The following PGM2L1 variants were observed in gnomAD, a reference collection of about 807,000 sequenced individuals.
The protein encoded by PGM2L1 is glucose 1,6-bisphosphate synthase.
In PGM2L1, 35 loss-of-function variants were observed where a neutral mutation model predicts 73.4. The observed-to-expected ratio is 0.48, with a 90% CI of 0.36 to 0.63. The LOEUF is 0.63. Among genes scored for constraint, PGM2L1 ranks in the 30% least tolerant of loss-of-function variants. The pLI is 0.00. For missense variants in PGM2L1, 570 were observed against 742.0 expected (o/e 0.77, Z 2.69); for synonymous variants, 225 against 253.8 (o/e 0.89, Z 1.08).
chr11:74,345,186 A>G (rs1257370565), intron 9 of PGM2L1, among the ~76,000 whole-genome samples: 1 of 152,158 alleles, frequency 6.6e-6, no homozygotes, highest in Non-Finnish European at 1.5e-5. Context: ...CAGGAGCTAT[A>G]TTTTCCCTGT....
At chr11:74,350,839 T>G (rs774100233) in intron 6 of PGM2L1, among the ~76,000 whole-genome samples, 5 of 151,266 alleles carry the variant, frequency 3.3e-5, no homozygotes, top group Non-Finnish European at 1.5e-5. Flanking sequence ...ATCGTGCCAC[T>G]GCACTTCAGC....
In PGM2L1 at chr11:74,377,161, G is replaced by T. The variant is rs184716092; in HGVS notation, c.112-2579C>A. ...TTCTTTTTTTTTTTTTTGAGACGGA[G>T]TCTCGCTCTGTCACCCAGGCTGGAG... On this transcript the variant is annotated intron_variant, in intron 1 of 13. Transcript: ENST00000298198. Among the ~76,000 whole-genome samples, 1,436 of 147,656 alleles carry T rather than the reference G, an allele frequency of 9.7e-3. 24 individuals carry two copies. Among genetic ancestry groups the T allele is most frequent in the Non-Finnish European group, 0.011 (740 of 67,426 alleles).
intron 1 of PGM2L1, among the ~76,000 whole-genome samples, chr11:74,376,579 T>TAC: frequency 6.6e-6 from 1 of 151,368 alleles, no homozygotes; most frequent in East Asian, 1.9e-4. Flanking sequence ...TATGTGTATA[T>TAC]ACACATTATG....
intron 6 of PGM2L1, among the ~76,000 whole-genome samples, chr11:74,350,893 A>AAGAAAGAGAGAGAGAGAGAGAG (rs1862339943): frequency 9.0e-6 from 1 of 110,890 alleles, no homozygotes; most frequent in Non-Finnish European, 2.1e-5. Context: ...AAAGGAAAGA[A>AAGAAAGAGAGAGAGAGAGAGAG]AGAAAGAGAG....
chr11:74,336,845 G>GAGT (rs1414940615), intron 13 of PGM2L1, 91 bp from the exon 14 acceptor site: 18 of 793,264 alleles, frequency 2.3e-5, no homozygotes, highest in Non-Finnish European at 3.2e-5. Context: ...GGTCCTGATG[G>GAGT]AGTCATTAAA....
chr11:74,367,013 G>A (rs181786468), intron 5 of PGM2L1, among the ~76,000 whole-genome samples: 4 of 152,274 alleles, frequency 2.6e-5, no homozygotes, highest in Non-Finnish European at 4.4e-5. Flanking sequence ...ATTGGTAGAG[G>A]ATATGGGCAG....
At chr11:74,347,462 A>T in intron 6 of PGM2L1, 125 bp from the exon 7 acceptor site, 1 of 740,768 alleles carries the variant, frequency 1.3e-6, no homozygotes, top group Non-Finnish European at 2.0e-6. Context: ...CAGAGGTCTA[A>T]GATATTCAAA....
chr11:74,376,820 A>C lies in PGM2L1; in HGVS notation c.112-2238T>G, dbSNP rs1486987756. 2.0e-5 allele frequency among the ~76,000 whole-genome samples: 3 copies of C among 152,134 alleles called. No homozygotes were observed. The East Asian group carries it at 5.8e-4, about 29-fold the overall frequency. On this transcript the variant is annotated intron_variant, in intron 1 of 13. Transcript: ENST00000298198. ...GAAAAATAAAAATGAATAAAAAATC[A>C]TGATATACTAGACATAATAAATACA... is the stretch of plus-strand genomic sequence containing the variant.
chr11:74,358,947 T>C (rs1263442979), intron 5 of PGM2L1, among the ~76,000 whole-genome samples: 1 of 152,060 alleles, frequency 6.6e-6, no homozygotes, highest in African/African-American at 2.4e-5. Flanking sequence ...ATCTATCCTA[T>C]AGATCAGCAG....
chr11:74,355,407 A>T (rs1862427927), intron 5 of PGM2L1: 3 of 535,952 alleles, frequency 5.6e-6, no homozygotes, highest in African/African-American at 1.9e-5. Context: ...ACAAAAAATT[A>T]GCCGGGCGTG....
intron 5 of PGM2L1, among the ~76,000 whole-genome samples, chr11:74,367,359 T>C (rs1170396962): frequency 2.0e-5 from 3 of 152,180 alleles, no homozygotes; most frequent in African/African-American, 4.8e-5. Flanking sequence ...CCTTGCACTC[T>C]TTTATCTCTT....
At chr11:74,362,323 CTT>C (rs1269188070) in intron 5 of PGM2L1, among the ~76,000 whole-genome samples, 1 of 152,126 alleles carries the variant, frequency 6.6e-6, no homozygotes, top group Non-Finnish European at 1.5e-5. Context: ...GAATAAAATC[CTT>C]TACAGACAAG....
chr11:74,354,523 T>C (rs1460407509), intron 5 of PGM2L1: 1 of 1,253,986 alleles, frequency 8.0e-7, no homozygotes, highest in East Asian at 2.3e-5. Context: ...AAACAACCGA[T>C]GAGAGCCTGA....
chr11:74,378,476 C>T (rs558252188), intron 1 of PGM2L1, among the ~76,000 whole-genome samples: 1 of 152,018 alleles, frequency 6.6e-6, no homozygotes, highest in African/African-American at 2.4e-5. Flanking sequence ...GCAGAAAATC[C>T]AAAAGATCTT....
intron 5 of PGM2L1, among the ~76,000 whole-genome samples, chr11:74,351,934 C>T (rs1862362493): frequency 6.7e-6 from 1 of 150,256 alleles, no homozygotes; most frequent in Non-Finnish European, 1.5e-5. Context: ...CACACTCCAG[C>T]CTGAGCTACA....
chr11:74,364,011 C>T (rs760663418), intron 5 of PGM2L1, among the ~76,000 whole-genome samples: 12 of 152,168 alleles, frequency 7.9e-5, no homozygotes, highest in Non-Finnish European at 1.8e-4. Flanking sequence ...AAAAGCTTAT[C>T]CACCATGATC....
At chr11:74,372,534 T>C (rs2134931413) in intron 2 of PGM2L1, among the ~76,000 whole-genome samples, 1 of 152,346 alleles carries the variant, frequency 6.6e-6, no homozygotes, top group Non-Finnish European at 1.5e-5. Context: ...TAACATTTTA[T>C]ATTATTACAG....
chr11:74,386,556 G>A (rs1478772091), intron 1 of PGM2L1, among the ~76,000 whole-genome samples: 1 of 151,562 alleles, frequency 6.6e-6, no homozygotes, highest in African/African-American at 2.4e-5. Flanking sequence ...GCTCACTGCA[G>A]CCTCAACCTC....
At chr11:74,396,693 C>T (rs758927741) in intron 1 of PGM2L1, among the ~76,000 whole-genome samples, 76 of 152,188 alleles carry the variant, frequency 5.0e-4, no homozygotes, top group Non-Finnish European at 9.1e-4. Flanking sequence ...GAATTACAGG[C>T]CTGAGCCACG....
Sources: gnomAD v4.1 joint callset for allele counts (sites outside exome capture counted in the v4.1 genomes callset) on GRCh38, gnomAD v4.1.1 for gene constraint, MANE v1.5 for transcripts, NCBI Gene and HGNC (gene_info 2026-07-23, HGNC 2026-07-21) for gene names.